The following NAV1 variants were observed in gnomAD, a reference collection of about 807,000 sequenced individuals.
NAV1 encodes the protein neuron navigator 1, also known as pore membrane and/or filament interacting like protein 3.
In NAV1, 18 loss-of-function variants were observed where a neutral mutation model predicts 175.2. That is an observed-to-expected ratio of 0.10 (90% CI 0.07 to 0.15). The LOEUF is 0.15. NAV1 is among the 10% of genes least tolerant of loss of function. The probability of loss-of-function intolerance (pLI) is 1.00; values close to 1 mark genes in which losing one functional copy is unlikely to be tolerated. For synonymous variants in NAV1, 897 were observed against 978.7 expected (o/e 0.92, Z 1.56); for missense variants, 1,731 against 2,436.6 (o/e 0.71, Z 6.10).
At chr1:201,809,250 A>C (rs1165456431) in exon 21 of NAV1, 2 of 1,613,884 alleles carry the variant, frequency 1.2e-6, no homozygotes, top group African/African-American at 1.3e-5. Flanking sequence ...CCCGCAGCAC[A>C]TCATCAAAGG....
At chr1:201,651,008 A>G (rs1477074590) in intron 1 of NAV1, among the ~76,000 whole-genome samples, 1 of 152,046 alleles carries the variant, frequency 6.6e-6, no homozygotes, top group Non-Finnish European at 1.5e-5. Context: ...AAATTAATAA[A>G]TTTTTGGCAG....
At chr1:201,601,412 G>C (rs666458) in intron 2 of NAV1, among the ~76,000 whole-genome samples, 14,879 of 152,236 alleles carry the variant, frequency 0.098, 1,052 homozygotes, top group East Asian at 0.41. Context: ...GAGCCTGGGA[G>C]GTTGAGGCTG....
chr1:201,646,834 C>T (rs1257299308), upstream of NAV1, among the ~76,000 whole-genome samples: 4 of 152,162 alleles, frequency 2.6e-5, no homozygotes, highest in African/African-American at 4.8e-5. Context: ...GTTCTACACC[C>T]GGAGAGATCC....
intron 3 of NAV1, among the ~76,000 whole-genome samples, chr1:201,755,591 A>C (rs1017748504): frequency 6.6e-6 from 1 of 152,240 alleles, no homozygotes; most frequent in African/African-American, 2.4e-5. Flanking sequence ...ACTGGTTTCC[A>C]TGACCAGATA....
rs754157166 is a variant in NAV1, at chr1:201,718,347, G to T, written c.861-43G>T. The stretch of plus-strand genomic sequence containing the variant: ...CATGTGAGGGGACAGGGCACACGGC[G>T]GCTGTGCCAAGGACTAAGTAGTGCC... On this transcript the variant is annotated intron_variant, in intron 2 of 29. Transcript: ENST00000367296. The surrounding 1 kb of genome is among the most constrained non-coding windows in gnomAD (Gnocchi z 4.8). 4.7e-6 allele frequency: 7 copies of T among 1,486,798 alleles called. No homozygotes were observed. Among genetic ancestry groups the T allele is most frequent in the Non-Finnish European group, 6.3e-6 (7 of 1,116,794 alleles). 92.1% of individuals were successfully genotyped at this position (1,486,798 alleles called of 1,614,324 possible).
At chr1:201,624,263 A>T (rs575070481) in intron 1 of NAV1, among the ~76,000 whole-genome samples, 3 of 152,098 alleles carry the variant, frequency 2.0e-5, no homozygotes, top group Non-Finnish European at 4.4e-5. Flanking sequence ...GATGGCCAAC[A>T]AGCTAGTACA....
chr1:201,579,060 G>T (rs906664899), intron 1 of NAV1, among the ~76,000 whole-genome samples: 1 of 152,012 alleles, frequency 6.6e-6, no homozygotes, highest in African/African-American at 2.4e-5. Flanking sequence ...TCGAACCTGG[G>T]AGGCGGAGGT....
upstream of NAV1, among the ~76,000 whole-genome samples, chr1:201,618,124 A>G (rs1553244567): frequency 6.6e-6 from 1 of 152,046 alleles, no homozygotes; most frequent in Non-Finnish European, 1.5e-5. Context: ...TCCCATGTGT[A>G]TTCTCTCCCC....
At chr1:201,556,206 G>A (rs971138636) in intron 1 of NAV1, among the ~76,000 whole-genome samples, 13 of 152,056 alleles carry the variant, frequency 8.5e-5, no homozygotes, top group African/African-American at 3.1e-4. Flanking sequence ...GAGCCCAGGA[G>A]TTTGAGACCA....
At chr1:201,799,645 AG>A in intron 15 of NAV1, among the ~76,000 whole-genome samples, 1 of 152,196 alleles carries the variant, frequency 6.6e-6, no homozygotes. Context: ...GAATCACCTG[AG>A]GTCAGAAGTT....
In NAV1 at chr1:201,629,423, C is replaced by T. The variant is rs1354213648; in HGVS notation, c.-81C>T. On this transcript the variant is annotated 5_prime_UTR_variant, in exon 2 of 30. Transcript: ENST00000367302. ...CCACAGGTTGCAAACTGACCAGAAA[C>T]CTGGCCCCCTCTCCCAGGGCAGCTG... 5.4e-6 allele frequency: 7 copies of T among 1,303,800 alleles called. No homozygotes were observed. The African/African-American group carries it at 7.6e-5, about 14-fold the overall frequency. 80.8% of individuals were successfully genotyped at this position (1,303,800 alleles called of 1,614,324 possible).
intron 2 of NAV1, among the ~76,000 whole-genome samples, chr1:201,611,861 C>CA (rs1667855777): frequency 1.3e-5 from 2 of 152,040 alleles, no homozygotes; most frequent in Non-Finnish European, 2.9e-5. Context: ...CAGCAAGGGA[C>CA]AGGGAGGACA....
rs1164186146 is a variant in NAV1, at chr1:201,807,994, G to C, written c.3690G>C (p.Gly1230=). Residue 1230 remains glycine (G), a synonymous_variant, in exon 18 of 30, where the codon GGG becomes GGC. Transcript: ENST00000367296. This position sits in a 1 kb window ranked among gnomAD's most constrained non-coding sequence, Gnocchi z 5.4. ...ACAAAGCGTTCAGTATAAAAAAGGG[G>C]CCCAAGTCAGCTTCCTCATACTCGG... 6.2e-7 allele frequency: 1 copy of C among 1,614,132 alleles called. No homozygotes were observed. The highest frequency in any genetic ancestry group is 8.5e-7 in the Non-Finnish European group (1 of 1,180,038).
intron 2 of NAV1, among the ~76,000 whole-genome samples, chr1:201,607,331 T>G (rs1031404137): frequency 4.0e-5 from 6 of 151,872 alleles, no homozygotes; most frequent in African/African-American, 1.5e-4. Flanking sequence ...GCCAGGCTGG[T>G]CTCTAACTCC....
intron 1 of NAV1, among the ~76,000 whole-genome samples, chr1:201,687,203 T>C (rs1670718534): frequency 6.6e-6 from 1 of 152,266 alleles, no homozygotes; most frequent in African/African-American, 2.4e-5. Flanking sequence ...ATTTCACTGA[T>C]TGCATCTAGG....
At chr1:201,568,658 G>A (rs1296460236) in intron 1 of NAV1, among the ~76,000 whole-genome samples, 1 of 152,110 alleles carries the variant, frequency 6.6e-6, no homozygotes, top group Non-Finnish European at 1.5e-5. Flanking sequence ...AAAATGTTAA[G>A]CACTCCTACC....
At chr1:201,572,979 GC>G (rs1283478203) in intron 1 of NAV1, among the ~76,000 whole-genome samples, 1 of 146,522 alleles carries the variant, frequency 6.8e-6, no homozygotes, top group East Asian at 2.0e-4. Context: ...CCTTCTAGAA[GC>G]CTGAGCCCAG....
chr1:201,697,159 C>G (rs923355287), intron 1 of NAV1, among the ~76,000 whole-genome samples: 2 of 152,154 alleles, frequency 1.3e-5, no homozygotes, highest in African/African-American at 4.8e-5. Context: ...GGGCCTTAGT[C>G]TAAGCCGAGT....
At chr1:201,652,348 T>TGGGGTCCCAGATGGTCTAGGC (rs1296870845) in intron 1 of NAV1, among the ~76,000 whole-genome samples, 43 of 152,226 alleles carry the variant, frequency 2.8e-4, no homozygotes, top group Non-Finnish European at 2.5e-4. Context: ...AGAAATCAGC[T>TGGGGTCCCAGATGGTCTAGGC]GGGGTCCCAG....
Sources: allele counts gnomAD v4.1 joint callset (sites outside exome capture counted in the v4.1 genomes callset), GRCh38; gene constraint gnomAD v4.1.1; non-coding constraint Gnocchi (gnomAD v3.1); transcripts MANE v1.5; gene names NCBI Gene and HGNC (gene_info 2026-07-23, HGNC 2026-07-21).